Variants in EML6 observed in about 807,000 individuals in gnomAD.
EML6 encodes the protein EMAP like 6.
In EML6, 154 loss-of-function variants were observed where a neutral mutation model predicts 240.1. The ratio of observed to expected loss-of-function variants is 0.64; its 90% confidence interval spans 0.56 to 0.73. EML6 has a LOEUF of 0.73. Among genes scored for constraint, EML6 ranks in the 30% least tolerant of loss-of-function variants. EML6 has a pLI of 0.00. For synonymous variants in EML6, 1,148 were observed against 899.0 expected, an observed-to-expected ratio of 1.28 and a Z score of -4.95; for missense variants, 2,964 against 2,474.6, an observed-to-expected ratio of 1.20 and a Z score of -4.20.
chr2:54,953,093 A>C (rs948428473), intron 31 of EML6, among the ~76,000 whole-genome samples: 1 of 152,206 alleles, frequency 6.6e-6, no homozygotes, highest in East Asian at 1.9e-4. Flanking sequence ...ACTGATTCAC[A>C]TTTATGAGAA....
chr2:54,884,184 T>C (rs1573065703), intron 17 of EML6, among the ~76,000 whole-genome samples: 1 of 152,068 alleles, frequency 6.6e-6, no homozygotes, highest in Non-Finnish European at 1.5e-5. Flanking sequence ...TTTGCTGGAG[T>C]TGCTCAGAGA....
At chr2:54,730,092 T>C (rs2104371811) in intron 2 of EML6, among the ~76,000 whole-genome samples, 1 of 151,888 alleles carries the variant, frequency 6.6e-6, no homozygotes, top group Middle Eastern at 3.4e-3. Context: ...GCCCAGTTTG[T>C]GCTGTTGCAC....
intron 28 of EML6, among the ~76,000 whole-genome samples, chr2:54,931,209 G>A (rs1165239992): frequency 6.6e-6 from 1 of 151,552 alleles, no homozygotes; most frequent in Non-Finnish European, 1.5e-5. Flanking sequence ...CGCCCGCCTC[G>A]GCCTCCCAAA....
chr2:54,909,200 C>G (rs1297452403), intron 24 of EML6, among the ~76,000 whole-genome samples: 1 of 152,194 alleles, frequency 6.6e-6, no homozygotes, highest in Non-Finnish European at 1.5e-5. Context: ...GAATAACCGT[C>G]CACGTGCTTT....
At chr2:54,893,177 T>C (rs929534935) in intron 19 of EML6, among the ~76,000 whole-genome samples, 7 of 152,194 alleles carry the variant, frequency 4.6e-5, no homozygotes, top group African/African-American at 1.7e-4. Flanking sequence ...CTCATCATAA[T>C]TGCCCTGGTC....
At chr2:54,922,889 G>A (rs1674334032) in intron 26 of EML6, among the ~76,000 whole-genome samples, 1 of 151,544 alleles carries the variant, frequency 6.6e-6, no homozygotes, top group African/African-American at 2.4e-5. Flanking sequence ...GCCAAGGACT[G>A]GAGAGTGGGT....
rs1162451235 is a variant in EML6, at chr2:54,968,280, T to C, written c.5750T>C (p.Phe1917Ser). The change falls in exon 40 of 42, where the codon TTT (phenylalanine) becomes TCT (serine). Residue 1917 changes from phenylalanine (F) to serine (S), a missense_variant and splice_region_variant. Phe to Ser is a radical substitution (Grantham distance 155). Transcript: ENST00000356458. The stretch of plus-strand genomic sequence containing the variant: ...TTTGATTTTCCATGCACAGAAAAAT[T>C]TGTGAGTGTTCCTCAGAGTAACCTC... ...KLFDFPCTEK[F>S]AKHKRYFGHS... The C allele has an allele frequency of 3.2e-6, 5 of 1,551,692 alleles. No individual in the cohort carries two copies. Among genetic ancestry groups the C allele is most frequent in the South Asian group, 2.4e-5 (2 of 84,058 alleles).
chr2:54,841,985 C>G (rs909605923), intron 7 of EML6, among the ~76,000 whole-genome samples: 1 of 152,054 alleles, frequency 6.6e-6, no homozygotes, highest in Admixed American at 6.5e-5. Context: ...CCCTTCCCAC[C>G]CACAACACAC....
rs747661437 is a variant in EML6 at position 54,894,993 on chromosome 2, A to G, written c.2821A>G (p.Ile941Val). Residue 941 changes from isoleucine (I) to valine (V), a missense_variant, in exon 20 of 42, where the codon ATT (isoleucine) becomes GTT (valine). Physicochemically the swap from Ile to Val is conservative, Grantham distance 29. Coordinates refer to ENST00000356458, the MANE Select transcript of EML6 (RefSeq NM_001039753.4). ...MFERCLKTYAIKRSALSTSSK... is the reference protein window; with the variant it reads ...MFERCLKTYAVKRSALSTSSK... ...TGAAAGATGTTTGAAGACTTATGCC[A>G]TTAAAAGATCAGCATTGTCGACTAG... 2 of 1,551,550 alleles carry G rather than the reference A, an allele frequency of 1.3e-6. No individual in the cohort carries two copies. The highest frequency in any genetic ancestry group is 8.7e-7 in the Non-Finnish European group (1 of 1,146,762).
chr2:54,872,486 G>A (rs1341373197), intron 16 of EML6, among the ~76,000 whole-genome samples: 1 of 152,030 alleles, frequency 6.6e-6, no homozygotes, highest in Non-Finnish European at 1.5e-5. Context: ...TGCTATGGTA[G>A]TCATGCTGGT....
In EML6 at chr2:54,851,489, T is replaced by C. The variant is rs570306499; in HGVS notation, c.1444+1271T>C. Among the ~76,000 whole-genome samples, 5 of 151,528 alleles carry C rather than the reference T, an allele frequency of 3.3e-5. No homozygotes were observed. In the East Asian group the frequency reaches 9.7e-4, roughly 29 times the overall value. On this transcript the variant is annotated intron_variant, in intron 10 of 41. Transcript: ENST00000356458. ...CTCTGAAACATTTTCTTTAAAATTC[T>C]GTGATAAAGACATAATGTTAGGATT...
chr2:54,837,564 CTT>C (rs899519797), intron 7 of EML6, among the ~76,000 whole-genome samples: 8 of 152,200 alleles, frequency 5.3e-5, no homozygotes, highest in Non-Finnish European at 1.2e-4. Flanking sequence ...GTGCTACTGT[CTT>C]TTTTGTCATT....
intron 7 of EML6, among the ~76,000 whole-genome samples, chr2:54,835,413 C>A (rs1433833297): frequency 1.3e-5 from 2 of 152,102 alleles, no homozygotes; most frequent in African/African-American, 4.8e-5. Flanking sequence ...TGTGGAGGAG[C>A]GCAAGTGATG....
At chr2:54,741,200 T>G (rs1683613595) in intron 2 of EML6, among the ~76,000 whole-genome samples, 1 of 152,110 alleles carries the variant, frequency 6.6e-6, no homozygotes, top group Non-Finnish European at 1.5e-5. Flanking sequence ...TCTTACTGCT[T>G]CTGCCCTGGT....
At chr2:54,868,951 A>T (rs1348627968) in intron 14 of EML6, 1 of 454,574 alleles carries the variant, frequency 2.2e-6, no homozygotes, top group Non-Finnish European at 3.9e-6. Context: ...ACAGCTGAGG[A>T]TCTGCTAACA....
chr2:54,839,746 C>T (rs940969918), intron 7 of EML6, among the ~76,000 whole-genome samples: 27 of 152,192 alleles, frequency 1.8e-4, no homozygotes, highest in Non-Finnish European at 1.5e-5. Flanking sequence ...CTCTCCTTGC[C>T]AGGAACCTGG....
intron 26 of EML6, among the ~76,000 whole-genome samples, chr2:54,920,387 A>T (rs979759568): frequency 6.6e-6 from 1 of 152,220 alleles, no homozygotes; most frequent in Non-Finnish European, 1.5e-5. Context: ...GAGCAATTAC[A>T]TGCCAACAAA....
At chr2:54,744,605 G>A (rs1683814526) in intron 2 of EML6, among the ~76,000 whole-genome samples, 2 of 151,994 alleles carry the variant, frequency 1.3e-5, no homozygotes. Flanking sequence ...GGGAGACAGT[G>A]GAGAGGCAAA....
intron 26 of EML6, among the ~76,000 whole-genome samples, chr2:54,926,028 A>C (rs1452438356): frequency 6.6e-6 from 1 of 152,176 alleles, no homozygotes; most frequent in African/African-American, 2.4e-5. Flanking sequence ...TGTAGGGGAG[A>C]GTGCACAGCT....
Sources: allele counts gnomAD v4.1 joint callset (sites outside exome capture counted in the v4.1 genomes callset), GRCh38; gene constraint gnomAD v4.1.1; transcripts MANE v1.5; gene names NCBI Gene and HGNC (gene_info 2026-07-23, HGNC 2026-07-21).